GAREM1: variants seen among roughly 807,000 people sequenced by gnomAD.
GAREM1 encodes GRB2 associated regulator of MAPK1 subtype 1.
GAREM1 carries 26 observed loss-of-function variants against 71.3 expected under a neutral mutation model. That is an observed-to-expected ratio of 0.36 (90% CI 0.27 to 0.51). The LOEUF (loss-of-function observed/expected upper bound fraction) is 0.51, where lower values mean the gene tolerates loss of function less well. GAREM1 is among the 20% of genes least tolerant of loss of function. The pLI is 0.95. For synonymous variants in GAREM1, 440 were observed against 433.2 expected (o/e 1.02, Z -0.20); for missense variants, 1,026 against 1,103.1 (o/e 0.93, Z 0.99).
chr18:32,270,118 C>G, intron 5 of GAREM1, 99 bp downstream of exon 5: 1 of 1,245,078 alleles, frequency 8.0e-7, no homozygotes, highest in South Asian at 1.4e-5. Context: ...CCTCTCCCAC[C>G]ACCCTGCCTG....
At chr18:32,276,925 T>C (rs1598922880) in intron 4 of GAREM1, among the ~76,000 whole-genome samples, 1 of 152,296 alleles carries the variant, frequency 6.6e-6, no homozygotes, top group East Asian at 1.9e-4. Flanking sequence ...TACACTTTAG[T>C]GCTCACAGAG....
At chr18:32,438,942 C>T (rs1295772619) in intron 1 of GAREM1, among the ~76,000 whole-genome samples, 2 of 152,164 alleles carry the variant, frequency 1.3e-5, no homozygotes, top group African/African-American at 2.4e-5. Flanking sequence ...TCCTATCCCC[C>T]ACACATCCTC....
chr18:32,320,967 C>T (rs762139173), intron 2 of GAREM1, among the ~76,000 whole-genome samples: 8 of 152,134 alleles, frequency 5.3e-5, no homozygotes, highest in Non-Finnish European at 1.0e-4. Flanking sequence ...TCCTTGAAAT[C>T]TCTTAGTCCA....
At chr18:32,433,756 T>C (rs536281207) in intron 1 of GAREM1, among the ~76,000 whole-genome samples, 27 of 152,252 alleles carry the variant, frequency 1.8e-4, no homozygotes, top group African/African-American at 6.0e-4. Context: ...ACAGAATCTG[T>C]ATGCTGAAAA....
intron 2 of GAREM1, among the ~76,000 whole-genome samples, chr18:32,348,215 G>A (rs904124487): frequency 4.6e-5 from 7 of 152,120 alleles, no homozygotes; most frequent in East Asian, 3.8e-4. Flanking sequence ...AAGTCATTAC[G>A]CCACTCAATG....
chr18:32,379,787 C>A, intron 2 of GAREM1, among the ~76,000 whole-genome samples: 1 of 151,766 alleles, frequency 6.6e-6, no homozygotes, highest in South Asian at 2.1e-4. Flanking sequence ...GCTGAGGAAG[C>A]TGAGTTAGGG....
intron 3 of GAREM1, 45 bp from the exon 4 acceptor site, chr18:32,288,248 A>G: frequency 1.4e-6 from 2 of 1,475,366 alleles, no homozygotes; most frequent in Non-Finnish European, 1.8e-6. Context: ...CCTTTGATCT[A>G]TTCACGCAAA....
intron 1 of GAREM1, among the ~76,000 whole-genome samples, chr18:32,399,188 T>C (rs1378422053): frequency 6.6e-6 from 1 of 152,184 alleles, no homozygotes. Flanking sequence ...ATAAGAGCTA[T>C]TTATGACAAA....
chr18:32,370,372 G>T (rs1323647320), intron 2 of GAREM1, among the ~76,000 whole-genome samples: 1 of 142,684 alleles, frequency 7.0e-6, no homozygotes, highest in African/African-American at 2.6e-5. Flanking sequence ...AGGTTGCAGT[G>T]AACTGAGATC....
intron 3 of GAREM1, among the ~76,000 whole-genome samples, chr18:32,295,594 T>C (rs1025555364): frequency 1.3e-5 from 2 of 152,232 alleles, no homozygotes; most frequent in Non-Finnish European, 2.9e-5. Flanking sequence ...GAGCAACCTT[T>C]GTAAATAATT....
chr18:32,327,431 A>G (rs1240861729), intron 2 of GAREM1, among the ~76,000 whole-genome samples: 2 of 152,208 alleles, frequency 1.3e-5, no homozygotes, highest in Admixed American at 1.3e-4. Flanking sequence ...GTGATGAAGT[A>G]TTTAGCCTTG....
intron 2 of GAREM1, among the ~76,000 whole-genome samples, chr18:32,367,175 CTATT>C (rs1316055713): frequency 1.3e-5 from 2 of 152,148 alleles, no homozygotes; most frequent in African/African-American, 2.4e-5. Context: ...AAAATAGTCT[CTATT>C]TATAAAACTG....
At chr18:32,364,028 G>GTTTTTTTTTTTTTTTTTTT (rs1157200391) in intron 2 of GAREM1, among the ~76,000 whole-genome samples, 16 of 21,666 alleles carry the variant, frequency 7.4e-4, no homozygotes, top group African/African-American at 1.4e-3. Flanking sequence ...ATATATATAT[G>GTTTTTTTTTTTTTTTTTTT]TTTTTTTTTT....
intron 1 of GAREM1, among the ~76,000 whole-genome samples, chr18:32,457,226 A>AGAGAGAGT (rs1555648709): frequency 6.1e-5 from 5 of 81,924 alleles, no homozygotes; most frequent in African/African-American, 2.1e-4. Context: ...AGAGAGAGAG[A>AGAGAGAGT]GTGTGTGTGT....
intron 1 of GAREM1, among the ~76,000 whole-genome samples, chr18:32,428,972 T>C (rs941693451): frequency 5.3e-5 from 8 of 152,274 alleles, no homozygotes; most frequent in African/African-American, 1.9e-4. Flanking sequence ...TTAGCAAAAT[T>C]TACAGTTTCA....
chr18:32,337,852 G>A (rs777984025), intron 2 of GAREM1, among the ~76,000 whole-genome samples: 9 of 152,124 alleles, frequency 5.9e-5, no homozygotes, highest in African/African-American at 1.2e-4. Context: ...TCTGCCACTC[G>A]TAACTTGGAC....
intron 3 of GAREM1, among the ~76,000 whole-genome samples, chr18:32,307,731 C>T (rs1285183815): frequency 2.0e-5 from 3 of 152,128 alleles, no homozygotes; most frequent in Non-Finnish European, 4.4e-5. Flanking sequence ...CCAAGTTGGT[C>T]AGGCTGGTCT....
At chr18:32,277,099 G>A (rs1319169297) in intron 4 of GAREM1, among the ~76,000 whole-genome samples, 1 of 152,188 alleles carries the variant, frequency 6.6e-6, no homozygotes, top group Non-Finnish European at 1.5e-5. Context: ...AATGAGGCGT[G>A]AGTCAAGTGA....
At chr18:32,418,498 C>T (rs148935172) in intron 1 of GAREM1, among the ~76,000 whole-genome samples, 9 of 152,214 alleles carry the variant, frequency 5.9e-5, no homozygotes, top group African/African-American at 1.7e-4. Context: ...CAAAGGATAA[C>T]GTGAGCATGA....
Sources: allele counts gnomAD v4.1 joint callset (sites outside exome capture counted in the v4.1 genomes callset), GRCh38; gene constraint gnomAD v4.1.1; transcripts MANE v1.5; gene names NCBI Gene and HGNC (gene_info 2026-07-23, HGNC 2026-07-21).